Variants in LILRB5 observed in about 807,000 individuals in gnomAD.
LILRB5 encodes the protein leukocyte immunoglobulin-like receptor subfamily B member 5.
In LILRB5, 61 loss-of-function variants were observed where a neutral mutation model predicts 68.4. The observed-to-expected ratio is 0.89, with a 90% CI of 0.73 to 1.10. The LOEUF is 1.10. LILRB5 is among the 50% of genes least tolerant of loss of function. LILRB5 has a pLI of 0.00. For missense variants in LILRB5, 771 were observed against 751.6 expected (o/e 1.03, Z -0.30); for synonymous variants, 356 against 315.8 (o/e 1.13, Z -1.35).
chr19:54,251,969 C>G, intron 12 of LILRB5, 85 bp downstream of exon 12: 1 of 1,364,926 alleles, frequency 7.3e-7, no homozygotes. Flanking sequence ...TGCTGAGAGC[C>G]GGGGGAAGGA....
Position 54,254,423 on chromosome 19 carries a change from T to A in LILRB5, c.1256-8A>T. ...TGGGATCCCCAGAGGGTCCTGGGAA[T>A]AAGCACAGAAAGGGAGCGAGGCGCT... On this transcript the variant is annotated splice_polypyrimidine_tract_variant and splice_region_variant and intron_variant, in intron 6 of 12. Transcript: ENST00000449561. 1 of 1,581,752 alleles carries A rather than the reference T, an allele frequency of 6.3e-7. No individual in the cohort carries two copies. The highest frequency in any genetic ancestry group is 1.2e-5 in the South Asian group (1 of 86,262).
Position 54,257,266 on chromosome 19 carries a change from CAG to C in LILRB5, c.-75_-74del, listed in dbSNP as rs968349198. The C allele has an allele frequency of 6.3e-7, 1 of 1,594,384 alleles. No homozygotes were observed. The highest frequency in any genetic ancestry group is 8.6e-7 in the Non-Finnish European group (1 of 1,162,670). ...GTGCCTGGCAGGACACAAAAACACG[CAG>C]AGTGTGGACTGGAGGCTGGGTTCTC... On this transcript the variant is annotated 5_prime_UTR_variant, in exon 1 of 13. Transcript: ENST00000449561.
rs1174661231 is a variant in LILRB5 at position 54,256,671 on chromosome 19, T to C, written c.173A>G (p.Tyr58Cys). The change falls in exon 3 of 13, where the codon TAC becomes TGC. Residue 58 changes from tyrosine (Y) to cysteine (C), a missense_variant. Coordinates refer to ENST00000449561, the MANE Select transcript of LILRB5 (RefSeq NM_001081442.3). The stretch of plus-strand genomic sequence containing the variant: ...TGGGAGTCCCTCCTTATCCAGACGG[T>C]ACTCCTCAGTCTCCAGGGGCCCCTG... ...WCQGPLETEEYRLDKEGLPWA... is the reference protein window; with the variant it reads ...WCQGPLETEECRLDKEGLPWA... 7 of 1,614,160 alleles carry C rather than the reference T, an allele frequency of 4.3e-6. No homozygotes were observed. Among genetic ancestry groups the C allele is most frequent in the Non-Finnish European group, 5.9e-6 (7 of 1,180,016 alleles).
intron 8 of LILRB5, 86 bp from the exon 9 acceptor site, chr19:54,253,073 A>T: frequency 1.4e-6 from 1 of 740,178 alleles, no homozygotes; most frequent in South Asian, 1.7e-5. Context: ...TCTTTCCTTC[A>T]TGAGCTCCAA....
intron 12 of LILRB5, 181 bp downstream of exon 12, chr19:54,251,873 C>T (rs2078964458): frequency 3.8e-6 from 3 of 790,308 alleles, no homozygotes; most frequent in Non-Finnish European, 6.9e-6. Flanking sequence ...GGGAGGAGGC[C>T]CACGAGGTCC....
chr19:54,250,673 G>GT lies in LILRB5; in HGVS notation c.*112dup. On this transcript the variant is annotated 3_prime_UTR_variant, in exon 13 of 13. Coordinates refer to ENST00000449561, the MANE Select transcript of LILRB5 (RefSeq NM_001081442.3). ...TTCCCAGGATGTCCTGGTGGTCTTT[G>GT]TTAGGGGTCCAGGCTGGCTGGGGTT... 1 of 1,368,502 alleles carries GT rather than the reference G, an allele frequency of 7.3e-7. No homozygotes were observed. The highest frequency in any genetic ancestry group is 1.0e-6 in the Non-Finnish European group (1 of 991,762). The allele number at this position is 1,368,502 out of a possible 1,614,324, so 84.8% of individuals were successfully genotyped here. A position where few individuals can be genotyped will look rare whatever the true frequency, so the allele number is the denominator to read the frequency against.
Position 54,252,558 on chromosome 19 carries a change from A to T in LILRB5, c.1475-9T>A, listed in dbSNP as rs1347319077. 1 of 1,613,646 alleles carries T rather than the reference A, an allele frequency of 6.2e-7. No individual in the cohort carries two copies. Among genetic ancestry groups the T allele is most frequent in the African/African-American group, 1.3e-5 (1 of 75,020 alleles). On this transcript the variant is annotated splice_polypyrimidine_tract_variant and intron_variant, in intron 9 of 12. Transcript: ENST00000449561. ...AGGACGGTAGAAATGGGCTGGACAGAGATGGACAGAGGGTCAGGCCTGGGA... is the reference window on the plus strand; with the variant it reads ...AGGACGGTAGAAATGGGCTGGACAGTGATGGACAGAGGGTCAGGCCTGGGA...
At chr19:54,252,255 G>A (rs405152) in intron 11 of LILRB5, 111 bp downstream of exon 11, 663,407 of 1,413,670 alleles carry the variant, frequency 0.47, 162,038 homozygotes, top group South Asian at 0.56. Flanking sequence ...GGTTCAGACC[G>A]CCTCCCCCTT....
chr19:54,252,189 C>T, intron 11 of LILRB5, 83 bp from the exon 12 acceptor site: 1 of 1,534,936 alleles, frequency 6.5e-7, no homozygotes. Context: ...CCTGTTCCCA[C>T]TAGGGTGGCT....
At chr19:54,255,243 G>C in intron 5 of LILRB5, 43 bp downstream of exon 5, 5 of 1,602,400 alleles carry the variant, frequency 3.1e-6, no homozygotes, top group Non-Finnish European at 4.3e-6. Context: ...GGCAGGACCT[G>C]TGCAGAGCCT....
chr19:54,255,413 G>C lies in LILRB5; in HGVS notation c.825C>G (p.Leu275=), dbSNP rs752409849. 1 of 1,614,138 alleles carries C rather than the reference G, an allele frequency of 6.2e-7. No homozygotes were observed. Among genetic ancestry groups the C allele is most frequent in the Non-Finnish European group, 8.5e-7 (1 of 1,180,022 alleles). Reference sequence around the variant, plus strand: ...GGCCCAGGGTGAAGTTGGCCTGGGAGAGCCCAGCCTGGGGCTGCTGGCCAG... The same window carrying C: ...GGCCCAGGGTGAAGTTGGCCTGGGACAGCCCAGCCTGGGGCTGCTGGCCAG... ...QGSGQQPQAG[L]SQANFTLGPV... The change falls in exon 5 of 13, where the codon CTC becomes CTG. Residue 275 remains leucine (L), a synonymous_variant. Coordinates refer to ENST00000449561, the MANE Select transcript of LILRB5 (RefSeq NM_001081442.3).
chr19:54,252,976 G>T lies in LILRB5; in HGVS notation c.1369C>A (p.His457Asn). The T allele has an allele frequency of 6.4e-7, 1 of 1,564,718 alleles. No individual in the cohort carries two copies. Among genetic ancestry groups the T allele is most frequent in the Middle Eastern group, 1.7e-4 (1 of 5,812 alleles). ...GLDPQSGLGR[H>N]LGVVTGVSVA... ...GAGACCCCAGTCACAACCCCCAGGT[G>T]CCTTCCCAGACCTTGAGCGTGATGA... is the stretch of plus-strand genomic sequence containing the variant. The change falls in exon 9 of 13, where the codon CAC (histidine) becomes AAC (asparagine). Residue 457 changes from histidine (H) to asparagine (N), a missense_variant. By Grantham distance (68) the His-to-Asn change is moderately conservative (BLOSUM62 1). Transcript: ENST00000449561.
At chr19:54,252,209 G>A (rs2078979981) in intron 11 of LILRB5, 103 bp from the exon 12 acceptor site, 1 of 1,483,874 alleles carries the variant, frequency 6.7e-7, no homozygotes, top group Non-Finnish European at 9.3e-7. Flanking sequence ...TGAGATCCAG[G>A]GAGGGACTGT....
chr19:54,252,527 C>A lies in LILRB5; in HGVS notation c.1497G>T (p.Gly499=). 1 of 1,614,050 alleles carries A rather than the reference C, an allele frequency of 6.2e-7. No homozygotes were observed. The highest frequency in any genetic ancestry group is 1.3e-5 in the African/African-American group (1 of 75,024). ...RTSAHFYRPA[G]AAGPEPKDQG... ...GGTCCTTGGGCTCTGGCCCCGCAGC[C>A]CCTGCAGGACGGTAGAAATGGGCTG... The change falls in exon 10 of 13, where the codon GGG becomes GGT. Residue 499 remains glycine (G), a synonymous_variant. Coordinates refer to ENST00000449561, the MANE Select transcript of LILRB5 (RefSeq NM_001081442.3).
rs2078987013 is a variant in LILRB5, at chr19:54,252,390, CA to C, written c.1551del (p.Ala518LeufsTer12). 1.2e-6 allele frequency: 2 copies of C among 1,614,134 alleles called. No homozygotes were observed. Among genetic ancestry groups the C allele is most frequent in the African/African-American group, 2.7e-5 (2 of 75,050 alleles). The part of the protein sequence containing the change: ...DQGLQKRASP[V>X]ADIQEEILNA... Reference sequence around the variant, plus strand: ...CTGAGAATTTCCTCCTGGATGTCAGCAACTGGGCTGGCCCTGGGGGAGGACA... The same window carrying C: ...CTGAGAATTTCCTCCTGGATGTCAGCACTGGGCTGGCCCTGGGGGAGGACA... On this transcript the variant is annotated frameshift_variant, in exon 11 of 13. Coordinates refer to ENST00000449561, the MANE Select transcript of LILRB5 (RefSeq NM_001081442.3). LOFTEE classifies it high-confidence loss of function.
In LILRB5 at chr19:54,250,505, C is replaced by T. The variant is rs1429621453; in HGVS notation, c.*281G>A. ...TTCATCATTTAATGTGTAATATTTA[C>T]ATTATCATTCCAAATTTATACCATG... On this transcript the variant is annotated 3_prime_UTR_variant, in exon 13 of 13. Transcript: ENST00000449561. 17 of 450,994 alleles carry T rather than the reference C, an allele frequency of 3.8e-5. No individual in the cohort carries two copies. The highest frequency in any genetic ancestry group is 1.2e-5 in the Non-Finnish European group (3 of 256,034). The allele number at this position is 450,994 out of a possible 1,614,324, so 27.9% of individuals were successfully genotyped here. A position where few individuals can be genotyped will look rare whatever the true frequency, so the allele number is the denominator to read the frequency against.
At position 54,256,520 on chromosome 19, in the gene LILRB5, C is replaced by T. The variant is rs1309739279; in HGVS notation, c.324G>A (p.Glu108=). 6.2e-7 allele frequency: 1 copy of T among 1,614,144 alleles called. No individual in the cohort carries two copies. Among genetic ancestry groups the T allele is most frequent in the South Asian group, 1.1e-5 (1 of 91,082 alleles). The change falls in exon 3 of 13, where the codon GAG becomes GAA. Residue 108 remains glutamate, a synonymous_variant. Coordinates refer to ENST00000449561, the MANE Select transcript of LILRB5 (RefSeq NM_001081442.3). Reference sequence around the variant, plus strand: ...CCACCAGCTCCAGGGGGTCACTGGGCTCTGACCAGCCTGCAGGGGTCTCAT... The same window carrying T: ...CCACCAGCTCCAGGGGGTCACTGGGTTCTGACCAGCCTGCAGGGGTCTCAT... ...CYYETPAGWS[E]PSDPLELVAT... is the part of the protein sequence containing the mutation.
intron 6 of LILRB5, 54 bp from the exon 7 acceptor site, chr19:54,254,469 C>T: frequency 1.3e-6 from 2 of 1,524,476 alleles, no homozygotes; most frequent in South Asian, 1.2e-5. Context: ...GTGAGGAAAC[C>T]CGTCCCTCCA....
chr19:54,250,920 C>T lies in LILRB5; in HGVS notation c.1642G>A (p.Glu548Lys), dbSNP rs1473576734. 1 of 1,595,326 alleles carries T rather than the reference C, an allele frequency of 6.3e-7. No homozygotes were observed. Among genetic ancestry groups the T allele is most frequent in the Non-Finnish European group, 8.5e-7 (1 of 1,176,034 alleles). The change falls in exon 13 of 13, where the codon GAA becomes AAA. Residue 548 changes from glutamate (E) to lysine (K), a missense_variant. Glu to Lys is a moderately conservative substitution (Grantham distance 56, BLOSUM62 1). Transcript: ENST00000449561. Reference protein sequence around the residue: ...VEMDAPAAASEAPQDVTYAQL... With the variant: ...VEMDAPAAASKAPQDVTYAQL... ...GCGTAGGTCACATCCTGGGGGGCTT[C>T]AGATGCAGCAGCCTGCAGCGGGGGA...
Sources: allele counts gnomAD v4.1 joint callset, GRCh38; gene constraint gnomAD v4.1.1; transcripts MANE v1.5; gene names NCBI Gene and HGNC (gene_info 2026-07-23, HGNC 2026-07-21).